Variants in DLGAP2 observed in about 807,000 individuals in gnomAD.
The protein encoded by DLGAP2 is DLG associated protein 2, also known as disks large-associated protein 2.
A neutral mutation model predicts 100.3 loss-of-function variants in DLGAP2; 26 were observed. The ratio of observed to expected loss-of-function variants is 0.26; its 90% CI spans 0.19 to 0.36. DLGAP2 has a LOEUF of 0.36. DLGAP2 is among the 10% of genes least tolerant of loss of function. The pLI is 1.00. For missense variants in DLGAP2, 1,858 were observed against 1,453.2 expected, an observed-to-expected ratio of 1.28 and a Z score of -4.53; for synonymous variants, 886 against 630.1, an observed-to-expected ratio of 1.41 and a Z score of -6.08.
intron 2 of DLGAP2, among the ~76,000 whole-genome samples, chr8:1,220,197 G>A (rs1254844340): frequency 1.3e-5 from 2 of 152,090 alleles, no homozygotes; most frequent in Non-Finnish European, 2.9e-5. Context: ...TAGGTGTGGT[G>A]TTAGCTTATT....
chr8:922,259 C>G (rs1015603583), intron 2 of DLGAP2, among the ~76,000 whole-genome samples: 1 of 152,186 alleles, frequency 6.6e-6, no homozygotes, highest in East Asian at 1.9e-4. Context: ...AACCGTATCT[C>G]TATGGGATGA....
chr8:912,704 C>T (rs1271248877), intron 2 of DLGAP2, among the ~76,000 whole-genome samples: 1 of 150,770 alleles, frequency 6.6e-6, no homozygotes, highest in East Asian at 2.0e-4. Flanking sequence ...GTGGTGCCCG[C>T]CTTCCTCTCT....
chr8:936,932 C>T (rs780787246), intron 2 of DLGAP2, among the ~76,000 whole-genome samples: 1 of 152,162 alleles, frequency 6.6e-6, no homozygotes, highest in Non-Finnish European at 1.5e-5. Flanking sequence ...CACTGCGTGA[C>T]GTCAATGGGT....
At chr8:1,494,721 C>T (rs1799493617) in intron 3 of DLGAP2, among the ~76,000 whole-genome samples, 2 of 151,566 alleles carry the variant, frequency 1.3e-5, no homozygotes. Context: ...GACCCAGACT[C>T]CATCTAAAAA....
At chr8:1,407,655 C>G (rs1346145548) in intron 3 of DLGAP2, among the ~76,000 whole-genome samples, 1 of 87,412 alleles carries the variant, frequency 1.1e-5, no homozygotes, top group African/African-American at 4.5e-5. Context: ...CCTCCTCATC[C>G]TCCAGAGTCG....
chr8:1,411,400 G>A (rs550669529), intron 3 of DLGAP2, among the ~76,000 whole-genome samples: 3 of 152,208 alleles, frequency 2.0e-5, no homozygotes, highest in African/African-American at 7.2e-5. Context: ...GAGCATAAAA[G>A]CACGAAGGAC....
intron 3 of DLGAP2, among the ~76,000 whole-genome samples, chr8:1,351,263 C>A (rs1375347691): frequency 1.8e-4 from 14 of 77,564 alleles, no homozygotes; most frequent in East Asian, 4.8e-4. Context: ...TGTGGAACGG[C>A]CGTGCGGGTC....
At chr8:921,253 G>A (rs1030321733) in intron 2 of DLGAP2, among the ~76,000 whole-genome samples, 3 of 152,088 alleles carry the variant, frequency 2.0e-5, no homozygotes, top group Admixed American at 6.5e-5. Context: ...TTTCCGTGGC[G>A]CACACTTTCC....
chr8:780,129 TC>T (rs1821646451), intron 1 of DLGAP2, among the ~76,000 whole-genome samples: 1 of 152,190 alleles, frequency 6.6e-6, no homozygotes, highest in Non-Finnish European at 1.5e-5. Context: ...TTGACCTACA[TC>T]TGCCCTTTCC....
chr8:1,574,346 C>G lies in DLGAP2; in HGVS notation c.1442+8452C>G, dbSNP rs527272070. 2.6e-5 allele frequency among the ~76,000 whole-genome samples: 4 copies of G among 152,258 alleles called. No individual in the cohort carries two copies. In the South Asian group the frequency reaches 8.3e-4, roughly 32 times the overall value. On this transcript the variant is annotated intron_variant, in intron 6 of 14. Transcript: ENST00000637795. ...GTAATACACCAAGAACAACAGCCAT[C>G]CCAGCCCTCGCCGCTCTGGTAACTG... is the stretch of plus-strand genomic sequence containing the variant.
At chr8:1,387,404 G>C (rs1796245388) in intron 3 of DLGAP2, among the ~76,000 whole-genome samples, 1 of 152,230 alleles carries the variant, frequency 6.6e-6, no homozygotes, top group Non-Finnish European at 1.5e-5. Flanking sequence ...CCACGGGGCT[G>C]CAGAGAAGGC....
chr8:1,602,520 A>G (rs976068210), intron 6 of DLGAP2, among the ~76,000 whole-genome samples: 13 of 152,210 alleles, frequency 8.5e-5, no homozygotes, highest in Non-Finnish European at 1.6e-4. Flanking sequence ...GAATCCACGG[A>G]GGCCGGGCCA....
intron 6 of DLGAP2, among the ~76,000 whole-genome samples, chr8:1,587,210 C>T (rs1003381085): frequency 2.6e-5 from 4 of 152,160 alleles, no homozygotes; most frequent in Admixed American, 6.5e-5. Context: ...ATCCATTGCC[C>T]GTTCATCTAT....
At chr8:949,058 C>T (rs1482776569) in intron 2 of DLGAP2, among the ~76,000 whole-genome samples, 5 of 152,186 alleles carry the variant, frequency 3.3e-5, no homozygotes, top group East Asian at 1.9e-4. Flanking sequence ...GGAGCAGGGC[C>T]CGTGGGCGTG....
intron 3 of DLGAP2, among the ~76,000 whole-genome samples, chr8:1,486,448 G>A (rs1477163093): frequency 6.6e-6 from 1 of 152,216 alleles, no homozygotes; most frequent in African/African-American, 2.4e-5. Flanking sequence ...TGGCACGTGC[G>A]AAGCCTGTCA....
intron 2 of DLGAP2, among the ~76,000 whole-genome samples, chr8:1,000,621 A>C (rs1419666020): frequency 6.6e-6 from 1 of 152,058 alleles, no homozygotes. Flanking sequence ...CATTTTTGTT[A>C]TCCTAATTGC....
rs567332987 is a variant in DLGAP2, at chr8:1,138,748, C to G, written c.74-120103C>G. Among the ~76,000 whole-genome samples the G allele has an allele frequency of 2.0e-5, 3 of 152,322 alleles. No individual in the cohort carries two copies. The South Asian group carries it at 6.2e-4, about 32-fold the overall frequency. On this transcript the variant is annotated intron_variant, in intron 2 of 14. Coordinates refer to ENST00000637795, the MANE Select transcript of DLGAP2 (RefSeq NM_001346810.2). ...GTTTATTTACTAGTCCTGGCCTGTG[C>G]GGCTGGTGGGAAATTCTTCTTGTTT...
At chr8:1,194,837 G>C (rs573621507) in intron 2 of DLGAP2, among the ~76,000 whole-genome samples, 30 of 152,320 alleles carry the variant, frequency 2.0e-4, no homozygotes, top group African/African-American at 7.0e-4. Flanking sequence ...GACGTGTGTG[G>C]CCAGGGTTCT....
chr8:965,107 C>T (rs1473028694), intron 2 of DLGAP2, among the ~76,000 whole-genome samples: 1 of 144,656 alleles, frequency 6.9e-6, no homozygotes, highest in African/African-American at 2.6e-5. Context: ...ACACGCGGCT[C>T]CAGAGCCCGA....
Sources: gnomAD v4.1 joint callset for allele counts (sites outside exome capture counted in the v4.1 genomes callset) on GRCh38, gnomAD v4.1.1 for gene constraint, MANE v1.5 for transcripts, NCBI Gene and HGNC (gene_info 2026-07-23, HGNC 2026-07-21) for gene names.